The following SRP19 variants were observed in gnomAD, a reference collection of about 807,000 sequenced individuals.
The protein encoded by SRP19 is signal recognition particle 19.
A neutral mutation model predicts 22.4 loss-of-function variants in SRP19; 11 were observed. That is an observed-to-expected ratio of 0.49 (90% CI 0.31 to 0.81). The LOEUF is 0.81. Among genes scored for constraint, SRP19 ranks in the 40% least tolerant of loss-of-function variants. The probability of loss-of-function intolerance (pLI) is 0.05; values close to 1 mark genes in which losing one functional copy is unlikely to be tolerated. For missense variants in SRP19, 168 were observed against 175.9 expected (o/e 0.96, Z 0.25); for synonymous variants, 61 against 57.6 (o/e 1.06, Z -0.27).
In SRP19 at chr5:112,861,434, T is replaced by A. The variant is rs765183543; in HGVS notation, c.41+17T>A. On this transcript the variant is annotated intron_variant, in intron 1 of 4. Coordinates refer to ENST00000505459, the MANE Select transcript of SRP19 (RefSeq NM_003135.3). The stretch of plus-strand genomic sequence containing the variant: ...CCAGGACAGGTGGGTTCTGAGGCGG[T>A]GGGTCCTCCGAAAGGAAGGGGCTTG... The A allele has an allele frequency of 6.8e-6, 11 of 1,610,688 alleles. No individual in the cohort carries two copies. In the Admixed American group the frequency reaches 1.5e-4, roughly 22 times the overall value.
At chr5:112,879,275 A>C (rs1767991418) in intron 4 of SRP19, among the ~76,000 whole-genome samples, 1 of 136,870 alleles carries the variant, frequency 7.3e-6, no homozygotes, top group Non-Finnish European at 1.5e-5. Flanking sequence ...AAATCAGAGA[A>C]GTCCTCATTC....
chr5:112,882,680 C>CT (rs1486343033), intron 4 of SRP19, among the ~76,000 whole-genome samples: 4 of 152,220 alleles, frequency 2.6e-5, no homozygotes, highest in African/African-American at 9.6e-5. Context: ...GTGTCCATGG[C>CT]TGTTTTCACA....
chr5:112,892,960 C>T (rs748780794), exon 5 of SRP19: 78 of 1,594,744 alleles, frequency 4.9e-5, no homozygotes, highest in South Asian at 4.2e-4. Flanking sequence ...CCAGGGCCGC[C>T]GGAGCCAGAG....
chr5:112,895,258 AT>A (rs1465393548), downstream of SRP19: 3 of 150,904 alleles, frequency 2.0e-5, no homozygotes, highest in African/African-American at 7.3e-5. Flanking sequence ...AAAAAAAAAA[AT>A]CAGGAGAGGT....
chr5:112,874,352 C>T (rs1265040645), downstream of SRP19, among the ~76,000 whole-genome samples: 1 of 152,048 alleles, frequency 6.6e-6, no homozygotes, highest in African/African-American at 2.4e-5. Flanking sequence ...ACCCTGGCTC[C>T]ATACTAGGAT....
exon 5 of SRP19, chr5:112,892,908 C>A (rs774201641): frequency 1.2e-6 from 2 of 1,608,592 alleles, no homozygotes; most frequent in Non-Finnish European, 1.7e-6. Flanking sequence ...GGGAGAGGCA[C>A]AATTCACCAA....
downstream of SRP19, chr5:112,895,185 G>A (rs1485207603): frequency 7.9e-6 from 1 of 126,306 alleles, no homozygotes; most frequent in East Asian, 2.6e-4. Context: ...GTTACAGTGA[G>A]CTGAGATTGC....
downstream of SRP19, among the ~76,000 whole-genome samples, chr5:112,872,214 T>C (rs1037938738): frequency 6.6e-6 from 1 of 152,152 alleles, no homozygotes; most frequent in African/African-American, 2.4e-5. Context: ...ACTAAAAGTA[T>C]GGTTGAAGGA....
At chr5:112,861,729 T>A (rs550081583) in intron 1 of SRP19, among the ~76,000 whole-genome samples, 2 of 152,338 alleles carry the variant, frequency 1.3e-5, no homozygotes, top group South Asian at 4.1e-4. Context: ...GTGTTCTTTT[T>A]AAGTATTGTT....
downstream of SRP19, chr5:112,893,094 T>TAAAA (rs552226372): frequency 3.4e-5 from 17 of 501,444 alleles, no homozygotes; most frequent in Non-Finnish European, 4.7e-5. Flanking sequence ...GTTTTGTTCT[T>TAAAA]AAAAAAAAAA....
intron 4 of SRP19, chr5:112,878,603 G>C: frequency 1.2e-6 from 1 of 859,178 alleles, no homozygotes; most frequent in South Asian, 2.2e-5. Context: ...TAAGTTTAAA[G>C]TGCTCCCTAT....
intron 4 of SRP19, among the ~76,000 whole-genome samples, chr5:112,888,562 T>TGTC (rs1332131016): frequency 7.1e-6 from 1 of 141,504 alleles, no homozygotes; most frequent in Non-Finnish European, 1.5e-5. Flanking sequence ...TGGGAATGAC[T>TGTC]GCAGGCATGA....
intron 4 of SRP19, chr5:112,876,352 A>G (rs1368831533): frequency 2.0e-5 from 3 of 152,224 alleles, no homozygotes; most frequent in Non-Finnish European, 4.4e-5. Flanking sequence ...GGGTTAGGAA[A>G]AAAGCCCCAC....
downstream of SRP19, among the ~76,000 whole-genome samples, chr5:112,873,271 C>CTTTTTTTTTT (rs35379154): frequency 0.012 from 624 of 50,378 alleles, 1 homozygote; most frequent in African/African-American, 0.019. Context: ...CTCAGGTTTT[C>CTTTTTTTTTT]TTTTTTTTTT....
intron 4 of SRP19, among the ~76,000 whole-genome samples, chr5:112,875,097 C>T (rs1767865018): frequency 6.6e-6 from 1 of 152,140 alleles, no homozygotes; most frequent in East Asian, 1.9e-4. Flanking sequence ...TTTTGGGAAG[C>T]ATCGATCTAA....
chr5:112,867,743 A>G lies in SRP19; in HGVS notation c.*206A>G. 1 of 1,269,344 alleles carries G rather than the reference A, an allele frequency of 7.9e-7. No homozygotes were observed. The highest frequency in any genetic ancestry group is 9.9e-7 in the Non-Finnish European group (1 of 1,006,664). 78.6% of individuals were successfully genotyped at this position (1,269,344 alleles called of 1,614,324 possible). ...TCTCGCGTATATGCCGTATAAAAGA[A>G]TTTTTTTGTCTTTCAATGCAGTTTT... is the stretch of plus-strand genomic sequence containing the variant. On this transcript the variant is annotated 3_prime_UTR_variant, in exon 5 of 5. Transcript: ENST00000505459.
intron 2 of SRP19, among the ~76,000 whole-genome samples, chr5:112,863,655 C>T (rs1159243110): frequency 6.6e-6 from 1 of 152,042 alleles, no homozygotes; most frequent in Non-Finnish European, 1.5e-5. Flanking sequence ...AAAGTCTTTT[C>T]TACCTTCTTT....
chr5:112,882,328 T>C (rs754951502), intron 4 of SRP19, among the ~76,000 whole-genome samples: 1 of 152,256 alleles, frequency 6.6e-6, no homozygotes, highest in South Asian at 2.1e-4. Context: ...TCATTGTAGA[T>C]GATGATGGAG....
chr5:112,891,727 A>C, exon 5 of SRP19: 1 of 1,614,154 alleles, frequency 6.2e-7, no homozygotes, highest in Non-Finnish European at 8.5e-7. Flanking sequence ...CGCCCTGAAG[A>C]AGGAGAAACG....
Sources: allele counts gnomAD v4.1 joint callset (sites outside exome capture counted in the v4.1 genomes callset), GRCh38; gene constraint gnomAD v4.1.1; transcripts MANE v1.5; gene names NCBI Gene and HGNC (gene_info 2026-07-23, HGNC 2026-07-21).